The following CCDC192 variants were observed in gnomAD, a reference collection of about 807,000 sequenced individuals.
The protein encoded by CCDC192 is coiled-coil domain containing 192, also known as coiled-coil domain-containing protein 192.
At chr5:127,858,875 C>G (rs1313192873) in intron 5 of CCDC192, among the ~76,000 whole-genome samples, 1 of 152,094 alleles carries the variant, frequency 6.6e-6, no homozygotes, top group East Asian at 1.9e-4. Flanking sequence ...AAAAACAGTA[C>G]AATAAAGTCA....
intron 5 of CCDC192, among the ~76,000 whole-genome samples, chr5:127,841,386 A>G (rs1022458122): frequency 7.2e-5 from 11 of 152,202 alleles, no homozygotes; most frequent in African/African-American, 2.7e-4. Flanking sequence ...ATGGGGTTGA[A>G]GGGAATGACT....
At chr5:127,891,245 G>C (rs182046032) in intron 6 of CCDC192, among the ~76,000 whole-genome samples, 36 of 152,230 alleles carry the variant, frequency 2.4e-4, no homozygotes, top group African/African-American at 7.9e-4. Flanking sequence ...GTAGAGACAG[G>C]GTTTTGCCAT....
At chr5:127,823,704 C>T (rs1307173041) in intron 5 of CCDC192, among the ~76,000 whole-genome samples, 2 of 152,136 alleles carry the variant, frequency 1.3e-5, no homozygotes, top group African/African-American at 4.8e-5. Flanking sequence ...CCTCTCTGAC[C>T]TCCAGAGTCA....
intron 2 of CCDC192, among the ~76,000 whole-genome samples, chr5:127,724,238 C>T (rs1752183555): frequency 6.6e-6 from 1 of 152,076 alleles, no homozygotes. Flanking sequence ...ATATTAAGGT[C>T]TTGCCTTAAA....
intron 2 of CCDC192, among the ~76,000 whole-genome samples, chr5:127,744,911 A>G (rs1366632334): frequency 2.6e-5 from 4 of 152,110 alleles, no homozygotes; most frequent in Non-Finnish European, 4.4e-5. Context: ...TCTTGCCCTC[A>G]TCTGCACATC....
intron 6 of CCDC192, among the ~76,000 whole-genome samples, chr5:127,884,677 G>A (rs139524168): frequency 1.8e-3 from 269 of 152,266 alleles, no homozygotes; most frequent in African/African-American, 6.2e-3. Context: ...GGGCTAGGGA[G>A]TGTTATCAGA....
intron 2 of CCDC192, 100 bp from the exon 3 acceptor site, chr5:127,754,168 T>C (rs1754423334): frequency 2.5e-6 from 1 of 393,418 alleles, no homozygotes; most frequent in Non-Finnish European, 4.5e-6. Flanking sequence ...AGCCTATCAT[T>C]GATAAACTCT....
chr5:127,708,374 G>T (rs1751089652), intron 2 of CCDC192, among the ~76,000 whole-genome samples: 1 of 152,000 alleles, frequency 6.6e-6, no homozygotes. Context: ...CTAGGTGATG[G>T]GTATACAGAA....
chr5:127,926,406 G>C (rs1753862776), intron 6 of CCDC192, among the ~76,000 whole-genome samples: 1 of 152,144 alleles, frequency 6.6e-6, no homozygotes, highest in Non-Finnish European at 1.5e-5. Context: ...GGAAACATGG[G>C]GTTTGGACAT....
chr5:127,822,601 G>A (rs1423224382), intron 5 of CCDC192, among the ~76,000 whole-genome samples: 1 of 152,106 alleles, frequency 6.6e-6, no homozygotes, highest in Non-Finnish European at 1.5e-5. Context: ...GCCATGATGT[G>A]GTCAGGAAGT....
intron 2 of CCDC192, among the ~76,000 whole-genome samples, chr5:127,709,382 AGGCGT>A (rs1184248093): frequency 6.6e-6 from 1 of 152,196 alleles, no homozygotes; most frequent in Non-Finnish European, 1.5e-5. Flanking sequence ...ACCTTCCACC[AGGCGT>A]CCTCCTGCAA....
At chr5:127,798,943 G>A (rs1344661601) in intron 5 of CCDC192, among the ~76,000 whole-genome samples, 1 of 152,084 alleles carries the variant, frequency 6.6e-6, no homozygotes, top group East Asian at 1.9e-4. Context: ...AATACCCTGT[G>A]TGTCCATGAC....
chr5:127,749,789 G>T (rs941088965), intron 2 of CCDC192, among the ~76,000 whole-genome samples: 15 of 152,280 alleles, frequency 9.9e-5, no homozygotes, highest in Admixed American at 6.5e-4. Flanking sequence ...CACAATTTGA[G>T]ATCCTGTTAT....
At chr5:127,785,391 A>G (rs771345875) in intron 3 of CCDC192, 6 of 417,442 alleles carry the variant, frequency 1.4e-5, no homozygotes, top group Non-Finnish European at 2.4e-5. Context: ...TTGCTCATTC[A>G]GATCTTTGCT....
chr5:127,935,205 T>C (rs766380167), intron 6 of CCDC192: 4 of 152,224 alleles, frequency 2.6e-5, no homozygotes, highest in Non-Finnish European at 4.4e-5. Context: ...GCTGCAGCTG[T>C]GGAGCCAACA....
chr5:127,840,685 A>G (rs977372510), intron 5 of CCDC192, among the ~76,000 whole-genome samples: 1 of 152,144 alleles, frequency 6.6e-6, no homozygotes, highest in African/African-American at 2.4e-5. Context: ...GCACTTTTTG[A>G]AAAAGACCTA....
chr5:127,898,920 G>C (rs1222085873), intron 6 of CCDC192, among the ~76,000 whole-genome samples: 1 of 152,164 alleles, frequency 6.6e-6, no homozygotes, highest in Non-Finnish European at 1.5e-5. Flanking sequence ...TTTTCACTGT[G>C]AACAAGGGTC....
At chr5:127,719,562 C>T (rs113964049) in intron 2 of CCDC192, among the ~76,000 whole-genome samples, 2,224 of 12,902 alleles carry the variant, frequency 0.17, 147 homozygotes, top group African/African-American at 0.31. Flanking sequence ...TATATATACA[C>T]ACATACATAT....
chr5:127,812,307 T>C (rs1357917571), intron 5 of CCDC192, among the ~76,000 whole-genome samples: 1 of 152,216 alleles, frequency 6.6e-6, no homozygotes, highest in Non-Finnish European at 1.5e-5. Context: ...ATGCTCTGAA[T>C]GTTCAGCATC....
Sources: allele counts gnomAD v4.1 joint callset (sites outside exome capture counted in the v4.1 genomes callset), GRCh38; gene constraint gnomAD v4.1.1; transcripts MANE v1.5; gene names NCBI Gene and HGNC (gene_info 2026-07-23, HGNC 2026-07-21).